RABGAP1L: variants seen among roughly 807,000 people sequenced by gnomAD.
RABGAP1L encodes RAB GTPase activating protein 1 like.
RABGAP1L carries 63 observed loss-of-function variants against 137.7 expected under a neutral mutation model. That is an observed-to-expected ratio of 0.46 (90% CI 0.37 to 0.56). RABGAP1L has a LOEUF of 0.56. Among genes scored for constraint, RABGAP1L ranks in the 20% least tolerant of loss-of-function variants. The probability of loss-of-function intolerance (pLI) is 0.00; values close to 1 mark genes in which losing one functional copy is unlikely to be tolerated. For synonymous variants in RABGAP1L, 431 were observed against 433.7 expected, an observed-to-expected ratio of 0.99 and a Z score of 0.08; for missense variants, 1,095 against 1,244.0, an observed-to-expected ratio of 0.88 and a Z score of 1.80.
At chr1:174,415,063 TA>T (rs1650392205) in intron 13 of RABGAP1L, among the ~76,000 whole-genome samples, 3 of 152,138 alleles carry the variant, frequency 2.0e-5, no homozygotes, top group Admixed American at 2.0e-4. Context: ...ATTGATACTG[TA>T]AAATCTTTTT....
intron 1 of RABGAP1L, among the ~76,000 whole-genome samples, chr1:174,188,174 A>T (rs2148325581): frequency 6.6e-6 from 1 of 152,276 alleles, no homozygotes; most frequent in Admixed American, 6.5e-5. Context: ...ATGGGTGAGG[A>T]AATTAGCCTT....
At chr1:174,683,254 T>A (rs1678218136) in intron 14 of RABGAP1L, among the ~76,000 whole-genome samples, 1 of 152,050 alleles carries the variant, frequency 6.6e-6, no homozygotes, top group South Asian at 2.1e-4. Flanking sequence ...ATAGATCTTT[T>A]AATATTAACT....
At chr1:174,272,599 TAGTA>T in intron 8 of RABGAP1L, 119 bp downstream of exon 8, 3 of 1,249,612 alleles carry the variant, frequency 2.4e-6, no homozygotes, top group Non-Finnish European at 3.1e-6. Flanking sequence ...AGCTGTGTGA[TAGTA>T]ATAATTAAAT....
In RABGAP1L at chr1:174,316,412, T is replaced by C. The variant is rs977249646; in HGVS notation, c.1465+11285T>C. Among the ~76,000 whole-genome samples, 4 of 152,178 alleles carry C rather than the reference T, an allele frequency of 2.6e-5. No homozygotes were observed. In the East Asian group the frequency reaches 7.7e-4, roughly 29 times the overall value. ...ATGCTTTTCAGATATTTGAAAGGAC[T>C]TGGGTGTTAATCTAAGCTGTATCTA... On this transcript the variant is annotated intron_variant, in intron 11 of 25. Coordinates refer to ENST00000681986, the MANE Select transcript of RABGAP1L (RefSeq NM_001366446.1).
chr1:174,638,633 A>G (rs1286243818), intron 14 of RABGAP1L, among the ~76,000 whole-genome samples: 1 of 145,648 alleles, frequency 6.9e-6, no homozygotes, highest in Non-Finnish European at 1.5e-5. Context: ...CTTGGAACCA[A>G]CCCAAATGTC....
intron 17 of RABGAP1L, among the ~76,000 whole-genome samples, chr1:174,703,066 T>C (rs981382032): frequency 6.6e-6 from 1 of 152,166 alleles, no homozygotes; most frequent in African/African-American, 2.4e-5. Context: ...GCTTAATATA[T>C]AATCTAGACA....
intron 13 of RABGAP1L, among the ~76,000 whole-genome samples, chr1:174,507,698 AATT>A (rs749176833): frequency 2.6e-5 from 4 of 152,130 alleles, no homozygotes; most frequent in Non-Finnish European, 5.9e-5. Context: ...AGGAGAAAAA[AATT>A]AAAGGAGTAG....
chr1:174,555,681 ATCAC>A (rs1280263741), intron 13 of RABGAP1L, among the ~76,000 whole-genome samples: 2 of 152,182 alleles, frequency 1.3e-5, no homozygotes, highest in Non-Finnish European at 2.9e-5. Context: ...GAGAAAAAAG[ATCAC>A]TTTTGGTTTG....
intron 19 of RABGAP1L, among the ~76,000 whole-genome samples, chr1:174,931,655 A>C (rs1230271610): frequency 6.6e-6 from 1 of 152,232 alleles, no homozygotes; most frequent in Non-Finnish European, 1.5e-5. Context: ...TCTCAAGTTC[A>C]GTTATAAAAT....
intron 4 of RABGAP1L, among the ~76,000 whole-genome samples, chr1:174,239,100 G>T (rs977697203): frequency 6.6e-6 from 1 of 152,200 alleles, no homozygotes; most frequent in Middle Eastern, 3.2e-3. Context: ...CTTCCCAGGT[G>T]AGGCAATGCC....
chr1:174,353,180 T>A (rs566456571), intron 11 of RABGAP1L, among the ~76,000 whole-genome samples: 1 of 152,282 alleles, frequency 6.6e-6, no homozygotes, highest in South Asian at 2.1e-4. Flanking sequence ...CTAGAGTGTG[T>A]CGTGAAATGT....
At chr1:174,753,720 G>T (rs1445758980) in intron 18 of RABGAP1L, among the ~76,000 whole-genome samples, 1 of 151,986 alleles carries the variant, frequency 6.6e-6, no homozygotes, top group Non-Finnish European at 1.5e-5. Flanking sequence ...AACAGGGCTG[G>T]AATAAGACTT....
At chr1:174,729,176 A>G (rs924328266) in intron 17 of RABGAP1L, among the ~76,000 whole-genome samples, 1 of 152,218 alleles carries the variant, frequency 6.6e-6, no homozygotes, top group African/African-American at 2.4e-5. Flanking sequence ...AAAGATGCAC[A>G]CTTACAACTA....
intron 18 of RABGAP1L, among the ~76,000 whole-genome samples, chr1:174,807,592 C>T (rs1474662809): frequency 6.6e-6 from 1 of 152,054 alleles, no homozygotes. Flanking sequence ...GGAAGTCTCT[C>T]GAAGATAGAA....
intron 1 of RABGAP1L, among the ~76,000 whole-genome samples, chr1:174,196,563 T>C (rs1196817177): frequency 6.6e-6 from 1 of 151,688 alleles, no homozygotes; most frequent in Non-Finnish European, 1.5e-5. Context: ...TTTTGAGTTT[T>C]TAATCTTTTT....
intron 13 of RABGAP1L, among the ~76,000 whole-genome samples, chr1:174,566,810 G>A (rs1667615109): frequency 6.6e-6 from 1 of 152,054 alleles, no homozygotes. Context: ...TATTGTTTAG[G>A]TGTTTTACAG....
intron 18 of RABGAP1L, among the ~76,000 whole-genome samples, chr1:174,794,986 T>C (rs1217452228): frequency 6.6e-6 from 1 of 152,222 alleles, no homozygotes; most frequent in Non-Finnish European, 1.5e-5. Context: ...CCTGAATATG[T>C]CTGATAACCA....
At chr1:174,783,707 C>CTTTTTTTTTTTTTTTTTT (rs34367315) in intron 18 of RABGAP1L, among the ~76,000 whole-genome samples, 1 of 102,476 alleles carries the variant, frequency 9.8e-6, no homozygotes, top group Non-Finnish European at 1.9e-5. Flanking sequence ...TCTTCTTCTT[C>CTTTTTTTTTTTTTTTTTT]TTTTTTTTTT....
chr1:174,758,137 A>G (rs980966594), intron 18 of RABGAP1L, among the ~76,000 whole-genome samples: 3 of 151,450 alleles, frequency 2.0e-5, no homozygotes, highest in African/African-American at 2.4e-5. Flanking sequence ...ATCTTACTTG[A>G]TCCTTCAACA....
Sources: allele counts gnomAD v4.1 joint callset (sites outside exome capture counted in the v4.1 genomes callset), GRCh38; gene constraint gnomAD v4.1.1; transcripts MANE v1.5; gene names NCBI Gene and HGNC (gene_info 2026-07-23, HGNC 2026-07-21).